Variants in CRYZ observed in about 807,000 individuals in gnomAD.
CRYZ encodes the protein crystallin zeta.
In CRYZ, 35 loss-of-function variants were observed where a neutral mutation model predicts 34.1. The observed-to-expected ratio is 1.03, with a 90% CI of 0.78 to 1.36. The LOEUF (loss-of-function observed/expected upper bound fraction) is 1.36, where lower values mean the gene tolerates loss of function less well. CRYZ is among the 40% of genes most tolerant of loss of function. The pLI, the probability that CRYZ is intolerant of heterozygous loss-of-function variation, is 0.00. For synonymous variants in CRYZ, 137 were observed against 136.5 expected, an observed-to-expected ratio of 1.00 and a Z score of -0.03; for missense variants, 403 against 391.8, an observed-to-expected ratio of 1.03 and a Z score of -0.24.
At chr1:74,708,404 TTTTA>T (rs1646958991) in intron 6 of CRYZ, 1 of 152,078 alleles carries the variant, frequency 6.6e-6, no homozygotes, top group African/African-American at 2.4e-5. Context: ...AAAGCTTCCA[TTTTA>T]TTTATTTCTG....
chr1:74,726,156 C>T (rs1296349876), intron 1 of CRYZ, among the ~76,000 whole-genome samples: 2 of 152,200 alleles, frequency 1.3e-5, no homozygotes, highest in African/African-American at 2.4e-5. Context: ...CACAGCTCCA[C>T]CAGGCAGTGT....
chr1:74,721,855 T>A (rs1007727866), intron 3 of CRYZ, among the ~76,000 whole-genome samples: 20 of 152,188 alleles, frequency 1.3e-4, no homozygotes, highest in African/African-American at 4.8e-4. Flanking sequence ...ATGGAAATGG[T>A]CACATCTGCA....
At chr1:74,728,123 A>G (rs976550926) in intron 1 of CRYZ, among the ~76,000 whole-genome samples, 3 of 152,248 alleles carry the variant, frequency 2.0e-5, no homozygotes, top group Admixed American at 6.5e-5. Context: ...ACAATTCGCT[A>G]TTTCCTTTCA....
At chr1:74,727,458 C>CAAAAAAAA (rs3041452) in intron 1 of CRYZ, among the ~76,000 whole-genome samples, 413 of 71,636 alleles carry the variant, frequency 5.8e-3, no homozygotes, top group Non-Finnish European at 7.7e-3. Flanking sequence ...CTAAAAAATA[C>CAAAAAAAA]AAAAAAAAAA....
Position 74,723,311 on chromosome 1 carries a change from G to T in CRYZ, c.112-41C>A, listed in dbSNP as rs370882717. On this transcript the variant is annotated intron_variant, in intron 2 of 8. Coordinates refer to ENST00000340866, the MANE Select transcript of CRYZ (RefSeq NM_001889.4). ...ATTTTAGTTCACAGAAAGAATTTAG[G>T]CATTCATTTAACTTTATGCTAGGAC... is the stretch of plus-strand genomic sequence containing the variant. The T allele has an allele frequency of 1.1e-4, 170 of 1,590,796 alleles. 1 individual carries two copies. The African/African-American group carries it at 1.6e-3, about 15-fold the overall frequency.
chr1:74,723,841 G>T (rs1262128549), intron 2 of CRYZ, among the ~76,000 whole-genome samples: 4 of 152,172 alleles, frequency 2.6e-5, no homozygotes, highest in Non-Finnish European at 5.9e-5. Flanking sequence ...TAAATTTAGT[G>T]TATAAGAAAT....
rs1201842523 is a variant in CRYZ at position 74,719,417 on chromosome 1, T to C, written c.265-45A>G. ...AATAAATGCAGGAAGACTAAACATA[T>C]TATGTCAAAATAGGTATAATCCTTT... is the stretch of plus-strand genomic sequence containing the variant. On this transcript the variant is annotated intron_variant, in intron 3 of 8. Coordinates refer to ENST00000340866, the MANE Select transcript of CRYZ (RefSeq NM_001889.4). 1.6e-5 allele frequency: 25 copies of C among 1,547,138 alleles called. No individual in the cohort carries two copies. The Middle Eastern group carries it at 6.8e-4, about 42-fold the overall frequency.
intron 6 of CRYZ, chr1:74,708,368 C>G (rs1646958394): frequency 6.6e-6 from 1 of 151,944 alleles, no homozygotes; most frequent in South Asian, 2.1e-4. Flanking sequence ...CAGTAGGGAA[C>G]AGAGAGACAA....
intron 5 of CRYZ, among the ~76,000 whole-genome samples, chr1:74,712,009 C>T (rs549641213): frequency 1.2e-4 from 19 of 152,054 alleles, no homozygotes; most frequent in Non-Finnish European, 2.1e-4. Context: ...GTCAGGAATT[C>T]GATACCAGCC....
intron 1 of CRYZ, among the ~76,000 whole-genome samples, chr1:74,729,953 G>T (rs1014763602): frequency 1.3e-5 from 2 of 150,740 alleles, no homozygotes; most frequent in African/African-American, 2.5e-5. Flanking sequence ...CTGTAAGCTG[G>T]GTGCTCTCTC....
chr1:74,714,062 A>G (rs1647039318), intron 5 of CRYZ, among the ~76,000 whole-genome samples: 1 of 151,942 alleles, frequency 6.6e-6, no homozygotes, highest in East Asian at 1.9e-4. Flanking sequence ...TGTGGTGTTA[A>G]GGACAGGGCT....
At chr1:74,714,089 T>C (rs1245729052) in intron 5 of CRYZ, among the ~76,000 whole-genome samples, 1 of 151,892 alleles carries the variant, frequency 6.6e-6, no homozygotes, top group Non-Finnish European at 1.5e-5. Context: ...GTGCACTCCA[T>C]GGATGTCATC....
Position 74,707,147 on chromosome 1 carries a change from G to T in CRYZ, c.688C>A (p.Leu230Ile). The change falls in exon 7 of 9, where the codon CTT (leucine) becomes ATT (isoleucine). Residue 230 changes from leucine (L) to isoleucine (I), a missense_variant. Leu to Ile is a conservative substitution (Grantham distance 5). Transcript: ENST00000340866. ...GACAGAAGACTCAAGTCTTTACTAA[G>T]ATTTACATTAGCTAACATTTCAATA... is the stretch of plus-strand genomic sequence containing the variant. ...IIIEMLANVN[L>I]SKDLSLLSHG... The T allele has an allele frequency of 6.3e-7, 1 of 1,587,138 alleles. No homozygotes were observed. Among genetic ancestry groups the T allele is most frequent in the Non-Finnish European group, 8.6e-7 (1 of 1,164,828 alleles).
chr1:74,705,648 G>A lies in CRYZ; in HGVS notation c.*648C>T, dbSNP rs1208185004. 6.6e-6 allele frequency: 1 copy of A among 152,012 alleles called. No individual in the cohort carries two copies. Among genetic ancestry groups the A allele is most frequent in the Non-Finnish European group, 1.5e-5 (1 of 67,972 alleles). 9.4% of individuals were successfully genotyped at this position (152,012 alleles called of 1,614,324 possible). A position where few individuals can be genotyped will look rare whatever the true frequency, so the allele number is the denominator to read the frequency against. ...CTCTGAAAATCTAATCAATTGCGAA[G>A]TATTACCTATTTGGAGACTATGTAT... On this transcript the variant is annotated 3_prime_UTR_variant, in exon 9 of 9. Transcript: ENST00000340866.
chr1:74,730,787 C>A (rs190708989), intron 1 of CRYZ, among the ~76,000 whole-genome samples: 1 of 152,032 alleles, frequency 6.6e-6, no homozygotes, highest in Non-Finnish European at 1.5e-5. Flanking sequence ...CCCTTTACTT[C>A]GTAGAAATAA....
chr1:74,724,878 G>T (rs1400708968), intron 1 of CRYZ, 44 bp from the exon 2 acceptor site: 24 of 1,150,254 alleles, frequency 2.1e-5, no homozygotes, highest in Admixed American at 1.2e-4. Flanking sequence ...TTGTATCTAG[G>T]ATATCACCAT....
At chr1:74,730,817 G>A (rs1647678322) in intron 1 of CRYZ, among the ~76,000 whole-genome samples, 1 of 152,194 alleles carries the variant, frequency 6.6e-6, no homozygotes, top group Non-Finnish European at 1.5e-5. Context: ...TAGTGATAGT[G>A]AGACAGATTG....
rs1176568446 is a variant in CRYZ at position 74,718,600 on chromosome 1, A to G, written c.428+609T>C. On this transcript the variant is annotated intron_variant, in intron 4 of 8. Transcript: ENST00000340866. ...TTCTATAGCTGTTCCCACACACCAT[A>G]CTGTTTTTCCCCATACTATTCCCAT... Among the ~76,000 whole-genome samples, 2 of 152,036 alleles carry G rather than the reference A, an allele frequency of 1.3e-5. 1 individual carries two copies. Among genetic ancestry groups the G allele is most frequent in the Non-Finnish European group, 2.9e-5 (2 of 67,970 alleles).
At position 74,706,246 on chromosome 1, in the gene CRYZ, G is replaced by C. The variant is rs764678686; in HGVS notation, c.*50C>G. ...AAAAGATAGGGTAAGTACAACTGGG[G>C]GAAAGACAGTACCTCTAATTACATA... is the stretch of plus-strand genomic sequence containing the variant. On this transcript the variant is annotated 3_prime_UTR_variant, in exon 9 of 9. Coordinates refer to ENST00000340866, the MANE Select transcript of CRYZ (RefSeq NM_001889.4). 2 of 1,451,094 alleles carry C rather than the reference G, an allele frequency of 1.4e-6. No homozygotes were observed. The highest frequency in any genetic ancestry group is 1.4e-5 in the South Asian group (1 of 70,880). 89.9% of individuals were successfully genotyped at this position (1,451,094 alleles called of 1,614,324 possible).
Sources: allele counts gnomAD v4.1 joint callset (sites outside exome capture counted in the v4.1 genomes callset), GRCh38; gene constraint gnomAD v4.1.1; transcripts MANE v1.5; gene names NCBI Gene and HGNC (gene_info 2026-07-23, HGNC 2026-07-21).